The following SUSD5 variants were observed in gnomAD, a reference collection of about 807,000 sequenced individuals.
The protein encoded by SUSD5 is sushi domain containing 5, also known as sushi domain-containing protein 5.
SUSD5 carries 33 observed loss-of-function variants against 29.5 expected under a neutral mutation model. The observed-to-expected ratio is 1.12, with a 90% CI of 0.85 to 1.49. SUSD5 has a LOEUF of 1.49. Ranked by LOEUF, SUSD5 falls within the 40% of genes most tolerant of loss-of-function variation. The pLI, the probability that SUSD5 is intolerant of heterozygous loss-of-function variation, is 0.00. For missense variants in SUSD5, 776 were observed against 800.6 expected, an observed-to-expected ratio of 0.97 and a Z score of 0.37; for synonymous variants, 308 against 325.3, an observed-to-expected ratio of 0.95 and a Z score of 0.57.
intron 3 of SUSD5, among the ~76,000 whole-genome samples, chr3:33,189,040 G>A (rs1028007982): frequency 2.0e-5 from 3 of 152,166 alleles, no homozygotes; most frequent in African/African-American, 4.8e-5. Flanking sequence ...TACCAGGGAA[G>A]CAATATAGTA....
intron 1 of SUSD5, 46 bp downstream of exon 1, chr3:33,218,640 G>A (rs1414374050): frequency 4.8e-6 from 6 of 1,238,782 alleles, no homozygotes; most frequent in Non-Finnish European, 6.1e-6. Flanking sequence ...CTCCCTGCCC[G>A]GACCCCACGC....
rs773931169 is a variant in SUSD5 at position 33,152,741 on chromosome 3, C to T, written c.*1G>A. On this transcript the variant is annotated 3_prime_UTR_variant, in exon 5 of 5. Transcript: ENST00000309558. The stretch of plus-strand genomic sequence containing the variant: ...TTTGGGAGAACCCACTCCAAAGGTG[C>T]CTAGACCTTCTCCATCTCGATCTGC... 2.5e-6 allele frequency: 4 copies of T among 1,603,644 alleles called. No individual in the cohort carries two copies. Among genetic ancestry groups the T allele is most frequent in the South Asian group, 2.2e-5 (2 of 89,178 alleles).
At chr3:33,201,544 T>C (rs1575542921) in intron 3 of SUSD5, among the ~76,000 whole-genome samples, 1 of 152,176 alleles carries the variant, frequency 6.6e-6, no homozygotes, top group African/African-American at 2.4e-5. Flanking sequence ...TGGCTGCTGG[T>C]GTATCAGGAC....
intron 4 of SUSD5, among the ~76,000 whole-genome samples, chr3:33,173,287 G>T (rs1172066566): frequency 4.6e-5 from 7 of 152,160 alleles, no homozygotes; most frequent in African/African-American, 1.7e-4. Context: ...GAGCAGACTG[G>T]GCAAATACTT....
intron 3 of SUSD5, 84 bp from the exon 4 acceptor site, chr3:33,175,158 C>T: frequency 1.4e-6 from 2 of 1,429,860 alleles, no homozygotes; most frequent in Non-Finnish European, 1.9e-6. Flanking sequence ...AAACACAACT[C>T]TCCCCTGCCG....
In SUSD5 at chr3:33,150,702, T is replaced by G. The variant is rs557980775; in HGVS notation, c.*2040A>C. ...GAATAAGATCTTTGATTATGCTGCC[T>G]CTCTTTACAGCTACTTCGCCTATTA... On this transcript the variant is annotated 3_prime_UTR_variant, in exon 5 of 5. Transcript: ENST00000309558. The G allele has an allele frequency of 1.3e-5, 2 of 152,226 alleles. No individual in the cohort carries two copies. Among genetic ancestry groups the G allele is most frequent in the African/African-American group, 4.8e-5 (2 of 41,466 alleles). The allele number at this position is 152,226 out of a possible 1,614,324, so 9.4% of individuals were successfully genotyped here.
chr3:33,215,337 G>C (rs2032408889), intron 1 of SUSD5, among the ~76,000 whole-genome samples: 1 of 151,908 alleles, frequency 6.6e-6, no homozygotes, highest in Admixed American at 6.6e-5. Flanking sequence ...TTCATTTTAG[G>C]CACACACAGA....
Position 33,151,145 on chromosome 3 carries a change from C to G in SUSD5, c.*1597G>C, listed in dbSNP as rs1298919789. ...CACATTTGAGATTATTATAAACCAA[C>G]AGGCTCTCAAACTTGAGTGCATATC... On this transcript the variant is annotated 3_prime_UTR_variant, in exon 5 of 5. Coordinates refer to ENST00000309558, the MANE Select transcript of SUSD5 (RefSeq NM_015551.2). The G allele has an allele frequency of 6.6e-6, 1 of 152,194 alleles. No homozygotes were observed. Among genetic ancestry groups the G allele is most frequent in the African/African-American group, 2.4e-5 (1 of 41,434 alleles). 9.4% of individuals were successfully genotyped at this position (152,194 alleles called of 1,614,324 possible).
intron 1 of SUSD5, 24 bp from the exon 2 acceptor site, chr3:33,214,129 CAT>C: frequency 4.5e-6 from 7 of 1,566,964 alleles, no homozygotes; most frequent in Non-Finnish European, 6.1e-6. Flanking sequence ...AGAACAAACA[CAT>C]GTGGATTTCA....
At chr3:33,176,865 G>A (rs2031561666) in intron 3 of SUSD5, among the ~76,000 whole-genome samples, 1 of 152,186 alleles carries the variant, frequency 6.6e-6, no homozygotes, top group Admixed American at 6.5e-5. Flanking sequence ...TTGCTTCATT[G>A]TATTGCCTTT....
chr3:33,188,478 G>A (rs2031823500), intron 3 of SUSD5, among the ~76,000 whole-genome samples: 1 of 152,148 alleles, frequency 6.6e-6, no homozygotes, highest in South Asian at 2.1e-4. Context: ...AGATGAACAT[G>A]CATCAGAATC....
intron 1 of SUSD5, among the ~76,000 whole-genome samples, chr3:33,217,577 T>G (rs939951469): frequency 4.6e-5 from 7 of 152,208 alleles, no homozygotes; most frequent in Non-Finnish European, 1.0e-4. Flanking sequence ...ACGACATTCA[T>G]CCTTAATTAG....
rs933487797 is a variant in SUSD5 at position 33,172,018 on chromosome 3, A to T, written c.598+2868T>A. ...ACCTAGGATCCTGCCAAATGATGGG[A>T]TGTGGAATGAATGAATGGATCAATG... On this transcript the variant is annotated intron_variant, in intron 4 of 4. Coordinates refer to ENST00000309558, the MANE Select transcript of SUSD5 (RefSeq NM_015551.2). 8.5e-5 allele frequency among the ~76,000 whole-genome samples: 13 copies of T among 152,278 alleles called. No individual in the cohort carries two copies. The East Asian group carries it at 2.5e-3, about 29-fold the overall frequency.
intron 2 of SUSD5, among the ~76,000 whole-genome samples, chr3:33,211,619 T>A (rs1309015285): frequency 1.3e-5 from 2 of 152,328 alleles, no homozygotes; most frequent in South Asian, 2.1e-4. Context: ...ATGTTTTCTA[T>A]GGCCACTCGC....
rs539153994 is a variant in SUSD5, at chr3:33,152,680, G to T, written c.*62C>A. ...CTGCGTCATGCTCTAGTGAATTATC[G>T]TGTGATGTGTCACAGTTATTTTCCT... On this transcript the variant is annotated 3_prime_UTR_variant, in exon 5 of 5. Transcript: ENST00000309558. The T allele has an allele frequency of 4.7e-6, 7 of 1,487,456 alleles. No homozygotes were observed. The highest frequency in any genetic ancestry group is 6.3e-6 in the Non-Finnish European group (7 of 1,102,604). 92.1% of individuals were successfully genotyped at this position (1,487,456 alleles called of 1,614,324 possible). A position where few individuals can be genotyped will look rare whatever the true frequency, so the allele number is the denominator to read the frequency against.
chr3:33,152,984 C>T lies in SUSD5; in HGVS notation c.1648G>A (p.Gly550Ser), dbSNP rs747633673. The change falls in exon 5 of 5, where the codon GGT becomes AGT. Residue 550 changes from glycine (G) to serine (S), a missense_variant. Coordinates refer to ENST00000309558, the MANE Select transcript of SUSD5 (RefSeq NM_015551.2). ...DFFGQEGPGP[G>S]ASEELHPTLE... ...GTGGGATGAAGCTCCTCACTTGCAC[C>T]TGGCCCGGGGCCTTCCTGTCCAAAG... 4 of 1,613,936 alleles carry T rather than the reference C, an allele frequency of 2.5e-6. No individual in the cohort carries two copies. In the South Asian group the frequency reaches 4.4e-5, roughly 18 times the overall value.
intron 4 of SUSD5, among the ~76,000 whole-genome samples, chr3:33,168,236 G>A (rs540048232): frequency 4.6e-4 from 70 of 152,026 alleles, no homozygotes; most frequent in African/African-American, 1.1e-3. Context: ...AGCCCCACAC[G>A]TACCCTCTTT....
chr3:33,161,132 A>G (rs1445662668), intron 4 of SUSD5, among the ~76,000 whole-genome samples: 1 of 152,218 alleles, frequency 6.6e-6, no homozygotes, highest in Non-Finnish European at 1.5e-5. Context: ...ACAATGAAAT[A>G]GTAAATATGG....
chr3:33,188,614 C>T (rs1309579143), intron 3 of SUSD5, among the ~76,000 whole-genome samples: 1 of 152,166 alleles, frequency 6.6e-6, no homozygotes, highest in Non-Finnish European at 1.5e-5. Context: ...ACAAGGACCA[C>T]CCTTGGAGAA....
Sources: gnomAD v4.1 joint callset for allele counts (sites outside exome capture counted in the v4.1 genomes callset) on GRCh38, gnomAD v4.1.1 for gene constraint, MANE v1.5 for transcripts, NCBI Gene and HGNC (gene_info 2026-07-23, HGNC 2026-07-21) for gene names.